The following SLX4IP variants were observed in gnomAD, a reference collection of about 807,000 sequenced individuals.
The protein encoded by SLX4IP is SLX4 interacting protein.
SLX4IP carries 34 observed loss-of-function variants against 32.9 expected under a neutral mutation model. The observed-to-expected ratio is 1.03, with a 90% CI of 0.79 to 1.38. The LOEUF (loss-of-function observed/expected upper bound fraction) is 1.38. Among genes scored for constraint, SLX4IP ranks in the 40% most tolerant of loss-of-function variants. The pLI, the probability that SLX4IP is intolerant of heterozygous loss-of-function variation, is 0.00. For synonymous variants in SLX4IP, 172 were observed against 171.7 expected (o/e 1.00, Z -0.01); for missense variants, 444 against 479.0 (o/e 0.93, Z 0.68).
chr20:10,528,245 G>C (rs1415675749), intron 2 of SLX4IP, among the ~76,000 whole-genome samples: 1 of 152,072 alleles, frequency 6.6e-6, no homozygotes, highest in Admixed American at 6.6e-5. Flanking sequence ...GAAATTATAT[G>C]AAAACAAGAA....
In SLX4IP at chr20:10,624,572, T is replaced by C. The variant is rs1245184094; in HGVS notation, c.*1193T>C. The C allele has an allele frequency of 2.6e-5, 4 of 152,124 alleles. No homozygotes were observed. Among genetic ancestry groups the C allele is most frequent in the African/African-American group, 7.2e-5 (3 of 41,410 alleles). 9.4% of individuals were successfully genotyped at this position (152,124 alleles called of 1,614,324 possible). Reference sequence around the variant, plus strand: ...TCATTCAATACATCTTTTTTTTTTTTCTGTTCAACATGGGGTGGTCCTTTG... The same window carrying C: ...TCATTCAATACATCTTTTTTTTTTTCCTGTTCAACATGGGGTGGTCCTTTG... On this transcript the variant is annotated 3_prime_UTR_variant, in exon 8 of 8. Coordinates refer to ENST00000334534, the MANE Select transcript of SLX4IP (RefSeq NM_001009608.3).
chr20:10,596,986 C>G (rs1015862088), intron 4 of SLX4IP, among the ~76,000 whole-genome samples: 1 of 152,164 alleles, frequency 6.6e-6, no homozygotes, highest in African/African-American at 2.4e-5. Flanking sequence ...CGGAGATTAT[C>G]CTTTCATAGA....
intron 7 of SLX4IP, among the ~76,000 whole-genome samples, chr20:10,621,795 G>T (rs1329112163): frequency 6.6e-6 from 1 of 152,108 alleles, no homozygotes; most frequent in Non-Finnish European, 1.5e-5. Context: ...GTAAGAACAT[G>T]AATATTACAT....
At chr20:10,608,661 A>G in intron 6 of SLX4IP, among the ~76,000 whole-genome samples, 1 of 147,374 alleles carries the variant, frequency 6.8e-6, no homozygotes, top group Non-Finnish European at 1.5e-5. Flanking sequence ...GTGACAGAGC[A>G]ATACTCTGTC....
chr20:10,462,307 A>G (rs1443644814), intron 2 of SLX4IP, among the ~76,000 whole-genome samples: 1 of 152,252 alleles, frequency 6.6e-6, no homozygotes, highest in African/African-American at 2.4e-5. Flanking sequence ...GAAGTGGAGG[A>G]TACAAACTTC....
At chr20:10,522,074 A>C (rs684046) in intron 2 of SLX4IP, among the ~76,000 whole-genome samples, 87,201 of 151,848 alleles carry the variant, frequency 0.57, 25,628 homozygotes, top group South Asian at 0.72. Flanking sequence ...TCTCTTCCTC[A>C]CTCCCTTTCA....
Position 10,621,394 on chromosome 20 carries a change from G to A in SLX4IP, c.486G>A (p.Arg162=), listed in dbSNP as rs2067110857. The A allele has an allele frequency of 6.2e-7, 1 of 1,614,044 alleles. No individual in the cohort carries two copies. The part of the protein sequence containing the change: ...ESSLPPSAKL[R]RNALKEIVKR... ...CACTTCCTCCCAGTGCAAAGCTCCG[G>A]AGAAATGCTCTGAAAGAAATGTAGG... Residue 162 remains arginine (R), a synonymous_variant, in exon 7 of 8, where the codon CGG becomes CGA. Coordinates refer to ENST00000334534, the MANE Select transcript of SLX4IP (RefSeq NM_001009608.3).
At chr20:10,493,592 A>G (rs1291363501) in intron 2 of SLX4IP, among the ~76,000 whole-genome samples, 2 of 152,012 alleles carry the variant, frequency 1.3e-5, no homozygotes, top group Middle Eastern at 3.4e-3. Context: ...TGAACATTCA[A>G]TTCTTATATA....
chr20:10,616,574 T>C (rs1232600), intron 6 of SLX4IP, among the ~76,000 whole-genome samples: 90,133 of 151,688 alleles, frequency 0.59, 27,355 homozygotes, highest in South Asian at 0.76. Context: ...TCCTGCTTCC[T>C]GACCTCTTCC....
intron 2 of SLX4IP, among the ~76,000 whole-genome samples, chr20:10,493,959 A>G (rs890822253): frequency 6.9e-6 from 1 of 144,780 alleles, no homozygotes; most frequent in African/African-American, 2.6e-5. Context: ...TGGCCTCCCA[A>G]AGTTCTGGGA....
chr20:10,497,276 A>G (rs1331720099), intron 2 of SLX4IP, among the ~76,000 whole-genome samples: 1 of 152,034 alleles, frequency 6.6e-6, no homozygotes, highest in Non-Finnish European at 1.5e-5. Flanking sequence ...GTCAACAGAT[A>G]TTTTCTGTGA....
intron 6 of SLX4IP, among the ~76,000 whole-genome samples, chr20:10,618,215 C>T (rs1272765319): frequency 6.6e-6 from 1 of 152,124 alleles, no homozygotes; most frequent in East Asian, 1.9e-4. Flanking sequence ...CAGAGTACCC[C>T]CAAAGATCGA....
chr20:10,468,376 C>T (rs1223337341), intron 2 of SLX4IP, among the ~76,000 whole-genome samples: 2 of 152,180 alleles, frequency 1.3e-5, no homozygotes, highest in African/African-American at 4.8e-5. Flanking sequence ...TTCTTAACAT[C>T]ATATTCATCA....
chr20:10,440,314 G>T (rs1269653829), intron 1 of SLX4IP, among the ~76,000 whole-genome samples: 1 of 151,826 alleles, frequency 6.6e-6, no homozygotes, highest in African/African-American at 2.4e-5. Flanking sequence ...AATTAGCTGG[G>T]CATGGTGGTG....
intron 2 of SLX4IP, among the ~76,000 whole-genome samples, chr20:10,482,282 A>G (rs1600916135): frequency 2.0e-5 from 3 of 152,192 alleles, no homozygotes; most frequent in African/African-American, 7.2e-5. Flanking sequence ...TGGGTTGGAC[A>G]TGTGCCTTTT....
intron 2 of SLX4IP, among the ~76,000 whole-genome samples, chr20:10,501,549 T>G (rs1399613108): frequency 6.6e-6 from 1 of 152,236 alleles, no homozygotes; most frequent in Non-Finnish European, 1.5e-5. Context: ...CTGCTCATGA[T>G]AAATACTTCT....
chr20:10,446,243 C>T (rs1331523045), intron 1 of SLX4IP, among the ~76,000 whole-genome samples: 1 of 151,688 alleles, frequency 6.6e-6, no homozygotes, highest in Non-Finnish European at 1.5e-5. Context: ...GAAACCCCGT[C>T]TCTATTAAAA....
At chr20:10,541,992 G>A (rs764779507) in intron 2 of SLX4IP, among the ~76,000 whole-genome samples, 7 of 151,984 alleles carry the variant, frequency 4.6e-5, no homozygotes, top group Non-Finnish European at 7.4e-5. Context: ...AGATTTTTGG[G>A]GTCTATAAGC....
rs75741828 is a variant in SLX4IP at position 10,503,503 on chromosome 20, C to T, written c.27+45272C>T. Among the ~76,000 whole-genome samples the T allele has an allele frequency of 6.4e-4, 98 of 152,282 alleles. No homozygotes were observed. In the East Asian group the frequency reaches 0.017, roughly 27 times the overall value. The stretch of plus-strand genomic sequence containing the variant: ...GCCATGGGAGGATTTGATGTGTGTG[C>T]CCTATGCTTTTGCAAGCAGCTTTGC... On this transcript the variant is annotated intron_variant, in intron 2 of 7. Coordinates refer to ENST00000334534, the MANE Select transcript of SLX4IP (RefSeq NM_001009608.3).
Sources: gnomAD v4.1 joint callset for allele counts (sites outside exome capture counted in the v4.1 genomes callset) on GRCh38, gnomAD v4.1.1 for gene constraint, MANE v1.5 for transcripts, NCBI Gene and HGNC (gene_info 2026-07-23, HGNC 2026-07-21) for gene names.